PRKACB: variants seen among roughly 807,000 people sequenced by gnomAD.
PRKACB encodes cAMP-dependent protein kinase catalytic subunit beta.
PRKACB carries 16 observed loss-of-function variants against 51.4 expected under a neutral mutation model. The observed-to-expected ratio is 0.31, with a 90% CI of 0.21 to 0.47. The LOEUF (loss-of-function observed/expected upper bound fraction) is 0.47. Ranked by LOEUF, PRKACB falls within the 20% of genes least tolerant of loss-of-function variation. The pLI is 1.00. For synonymous variants in PRKACB, 147 were observed against 154.4 expected (o/e 0.95, Z 0.35); for missense variants, 309 against 464.5 (o/e 0.67, Z 3.08).
chr1:84,092,939 A>C (rs912064972), intron 1 of PRKACB, among the ~76,000 whole-genome samples: 1 of 116,240 alleles, frequency 8.6e-6, no homozygotes, highest in Non-Finnish European at 1.9e-5. Flanking sequence ...ATTCTGTTGT[A>C]TTTTTCAAAA....
chr1:84,119,225 C>G (rs1408812070), intron 1 of PRKACB, among the ~76,000 whole-genome samples: 1 of 152,112 alleles, frequency 6.6e-6, no homozygotes, highest in Admixed American at 6.6e-5. Context: ...ATTTCCATGA[C>G]CATGCTTGTC....
intron 9 of PRKACB, among the ~76,000 whole-genome samples, chr1:84,228,028 C>T (rs1427448902): frequency 6.6e-6 from 1 of 152,162 alleles, no homozygotes; most frequent in African/African-American, 2.4e-5. Context: ...GCTGGCTAGA[C>T]GTGAAGCAAC....
intron 5 of PRKACB, among the ~76,000 whole-genome samples, chr1:84,191,716 A>G (rs1418878171): frequency 1.3e-5 from 2 of 152,054 alleles, no homozygotes; most frequent in Middle Eastern, 3.2e-3. Flanking sequence ...CTGAAAAATT[A>G]CCCAGTGGGT....
upstream of PRKACB, among the ~76,000 whole-genome samples, chr1:84,141,065 G>A (rs1320216770): frequency 6.6e-6 from 1 of 151,380 alleles, no homozygotes; most frequent in South Asian, 2.1e-4. Context: ...ATATTTTGTG[G>A]TATTTTGTGG....
intron 1 of PRKACB, among the ~76,000 whole-genome samples, chr1:84,101,199 G>T (rs1355674972): frequency 6.6e-6 from 1 of 152,138 alleles, no homozygotes; most frequent in Non-Finnish European, 1.5e-5. Flanking sequence ...GGGCAAGCTG[G>T]ACCTCTCAAT....
At position 84,125,781 on chromosome 1, in the gene PRKACB, C is replaced by T. The variant is rs561929266; in HGVS notation, c.46+47410C>T. ...TTAGAAGGCAGTGATGTGTTTCAGACTCATATTCAGCTATCTTTTTGAAAT... is the reference window on the plus strand; with the variant it reads ...TTAGAAGGCAGTGATGTGTTTCAGATTCATATTCAGCTATCTTTTTGAAAT... On this transcript the variant is annotated intron_variant, in intron 1 of 8. Coordinates refer to the PRKACB transcript ENST00000370688. 4.6e-5 allele frequency among the ~76,000 whole-genome samples: 7 copies of T among 152,288 alleles called. No individual in the cohort carries two copies. The East Asian group carries it at 1.4e-3, about 29-fold the overall frequency.
At chr1:84,172,712 G>A (rs1007819148) in intron 1 of PRKACB, among the ~76,000 whole-genome samples, 3 of 151,708 alleles carry the variant, frequency 2.0e-5, no homozygotes, top group African/African-American at 7.2e-5. Context: ...TCACAGTTCA[G>A]TGAGTCAGTC....
At chr1:84,205,538 A>AT (rs574185376) in intron 8 of PRKACB, 1 of 152,302 alleles carries the variant, frequency 6.6e-6, no homozygotes, top group Non-Finnish European at 1.5e-5. Context: ...GTTTTTGTTG[A>AT]TTTTAGAAGC....
chr1:84,113,688 T>C (rs1378670828), intron 1 of PRKACB, among the ~76,000 whole-genome samples: 1 of 152,146 alleles, frequency 6.6e-6, no homozygotes, highest in African/African-American at 2.4e-5. Flanking sequence ...AAGGAATCAA[T>C]ACATGCTGCA....
At chr1:84,173,376 G>A in intron 1 of PRKACB, 1 of 1,543,338 alleles carries the variant, frequency 6.5e-7, no homozygotes, top group Non-Finnish European at 8.8e-7. Context: ...TTTTTTTACA[G>A]AATAATTCTG....
intron 8 of PRKACB, among the ~76,000 whole-genome samples, chr1:84,213,483 G>A (rs988396896): frequency 1.3e-5 from 2 of 152,018 alleles, no homozygotes; most frequent in African/African-American, 4.8e-5. Flanking sequence ...CTTATTTGGG[G>A]GTTTTCCATT....
rs1553173818 is a variant in PRKACB at position 84,180,193 on chromosome 1, T to TATATATATATGGG, written c.249+965_249+966insGGGATATATATAT. Among the ~76,000 whole-genome samples, 3 of 108,982 alleles carry TATATATATATGGG rather than the reference T, an allele frequency of 2.8e-5. No individual in the cohort carries two copies. The Admixed American group carries it at 2.9e-4, about 10-fold the overall frequency. 71.5% of individuals were successfully genotyped at this position (108,982 alleles called of 152,430 possible). On this transcript the variant is annotated intron_variant, in intron 2 of 9. Transcript: ENST00000370685. ...GGATAAAGAAACTGTGATATATATA[T>TATATATATATGGG]ATATATATATATATATGTATGATGG...
intron 3 of PRKACB, among the ~76,000 whole-genome samples, chr1:84,182,674 A>C (rs925499656): frequency 1.3e-5 from 2 of 152,036 alleles, no homozygotes; most frequent in African/African-American, 4.8e-5. Flanking sequence ...CATTTACAAT[A>C]TATCAGGTAT....
At chr1:84,174,578 C>A (rs1027798309) in intron 1 of PRKACB, among the ~76,000 whole-genome samples, 2 of 151,816 alleles carry the variant, frequency 1.3e-5, no homozygotes, top group African/African-American at 4.8e-5. Context: ...GATTGTTAAA[C>A]CAGCACTGAG....
At chr1:84,130,006 C>G (rs1333226255) in intron 1 of PRKACB, among the ~76,000 whole-genome samples, 1 of 151,980 alleles carries the variant, frequency 6.6e-6, no homozygotes, top group Non-Finnish European at 1.5e-5. Flanking sequence ...GGAGACCATC[C>G]TGGCTAACAG....
intron 1 of PRKACB, among the ~76,000 whole-genome samples, chr1:84,150,124 G>A (rs965725448): frequency 4.0e-5 from 6 of 151,666 alleles, no homozygotes; most frequent in Admixed American, 3.3e-4. Flanking sequence ...AATTAGCCAG[G>A]CTCCATCTAC....
intron 1 of PRKACB, chr1:84,157,209 A>G (rs1304505759): frequency 6.6e-6 from 1 of 152,106 alleles, no homozygotes; most frequent in Non-Finnish European, 1.5e-5. Context: ...ACCACAGAGT[A>G]TTGAGAAGGC....
intron 1 of PRKACB, among the ~76,000 whole-genome samples, chr1:84,133,634 C>T (rs185960056): frequency 6.6e-6 from 1 of 152,230 alleles, no homozygotes; most frequent in African/African-American, 2.4e-5. Flanking sequence ...TGGCTTTACT[C>T]GGCTTCACTC....
chr1:84,090,245 T>C (rs1401617281), intron 1 of PRKACB, among the ~76,000 whole-genome samples: 1 of 152,194 alleles, frequency 6.6e-6, no homozygotes, highest in East Asian at 1.9e-4. Context: ...ATGTCATATT[T>C]TACAAGGAAA....
Sources: allele counts gnomAD v4.1 joint callset (sites outside exome capture counted in the v4.1 genomes callset), GRCh38; gene constraint gnomAD v4.1.1; transcripts MANE v1.5; gene names NCBI Gene and HGNC (gene_info 2026-07-23, HGNC 2026-07-21).